Variants in NHS observed in about 807,000 individuals in gnomAD.
NHS encodes NHS actin remodeling regulator.
A neutral mutation model predicts 72.5 loss-of-function variants in NHS; 5 were observed. The observed-to-expected ratio is 0.07, with a 90% confidence interval of 0.04 to 0.14. The LOEUF (loss-of-function observed/expected upper bound fraction) is 0.14, where lower values mean the gene tolerates loss of function less well. Ranked by LOEUF, NHS falls within the 10% of genes least tolerant of loss-of-function variation. The probability of loss-of-function intolerance (pLI) is 1.00; values close to 1 mark genes in which losing one functional copy is unlikely to be tolerated. For missense variants in NHS, 1,072 were observed against 1,355.7 expected, an observed-to-expected ratio of 0.79 and a Z score of 3.29; for synonymous variants, 464 against 547.7, an observed-to-expected ratio of 0.85 and a Z score of 2.13.
chrX:17,437,764 G>C (rs987802207), intron 1 of NHS, among the ~76,000 whole-genome samples: 2 of 111,838 alleles, frequency 1.8e-5, no homozygotes, highest in African/African-American at 6.5e-5. Context: ...CACATCACAG[G>C]ACTGTCATGA....
In NHS at chrX:17,552,079, G is replaced by C. The variant is rs182597715; in HGVS notation, c.566-135663G>C. On this transcript the variant is annotated intron_variant, in intron 1 of 8. Transcript: ENST00000676302. ...TTACTAACTGGTCCAGGACCAATTA[G>C]GCAAGTAAGTAATGGAACTGAGTTT... 5.4e-3 allele frequency among the ~76,000 whole-genome samples: 604 copies of C among 111,808 alleles called. 5 individuals carry two copies. The highest frequency in any genetic ancestry group is 8.5e-3 in the Non-Finnish European group (450 of 53,185).
chrX:17,610,764 G>A (rs1282164257), intron 1 of NHS, among the ~76,000 whole-genome samples: 3 of 112,197 alleles, frequency 2.7e-5, no homozygotes, highest in African/African-American at 6.5e-5. Context: ...CTTTGTCCCC[G>A]TTTATTAAGG....
At chrX:17,646,430 ATTCTCCATACCTGGTCAT>A (rs774280994) in intron 1 of NHS, among the ~76,000 whole-genome samples, 266 of 111,646 alleles carry the variant, frequency 2.4e-3, no homozygotes, top group Middle Eastern at 0.014. Flanking sequence ...GGGGCCATTG[ATTCTCCATACCTGGTCAT>A]TTCTCCATAC....
rs1021193699 is a variant in NHS, at chrX:17,734,847, G to A, written c.*2383G>A. The A allele has an allele frequency of 1.8e-5, 2 of 112,491 alleles. No homozygotes were observed. The highest frequency in any genetic ancestry group is 1.9e-4 in the Admixed American group (2 of 10,624). 9.3% of individuals were successfully genotyped at this position (112,491 alleles called of 1,213,427 possible). On this transcript the variant is annotated 3_prime_UTR_variant, in exon 9 of 9. Transcript: ENST00000676302. Reference sequence around the variant, plus strand: ...GATCTTTCGTAATTTCATAAAAGCAGTTCGTTTGCAGTATGGCTTTTGTGT... The same window carrying A: ...GATCTTTCGTAATTTCATAAAAGCAATTCGTTTGCAGTATGGCTTTTGTGT...
At chrX:17,462,408 T>C (rs944338727) in intron 1 of NHS, among the ~76,000 whole-genome samples, 15 of 111,466 alleles carry the variant, frequency 1.3e-4, no homozygotes, top group African/African-American at 4.9e-4. Context: ...CTTCAGAGTC[T>C]GTGGGCTCTT....
rs745705350 is a variant in NHS, at chrX:17,460,438, AG to A, written c.565+84120del. On this transcript the variant is annotated intron_variant, in intron 1 of 8. Coordinates refer to ENST00000676302, the MANE Select transcript of NHS (RefSeq NM_001291867.2). ...TTGCTGCAGGCAAGAGAGTGTACACAGGGGAAACCGCCACTTTTAAAATCAT... is the reference window on the plus strand; with the variant it reads ...TTGCTGCAGGCAAGAGAGTGTACACAGGGAAACCGCCACTTTTAAAATCAT... 7.2e-5 allele frequency among the ~76,000 whole-genome samples: 8 copies of A among 111,546 alleles called. No homozygotes were observed. The East Asian group carries it at 2.0e-3, about 28-fold the overall frequency.
chrX:17,467,538 T>C (rs1056890790), intron 1 of NHS, among the ~76,000 whole-genome samples: 1 of 112,519 alleles, frequency 8.9e-6, no homozygotes, highest in African/African-American at 3.2e-5. Flanking sequence ...AGTTTACCAT[T>C]CCTTCAAATT....
At chrX:17,708,164 C>T (rs2066307151) in intron 3 of NHS, among the ~76,000 whole-genome samples, 1 of 111,968 alleles carries the variant, frequency 8.9e-6, no homozygotes, top group African/African-American at 3.2e-5. Context: ...AAAATACTAA[C>T]CTTGCTATGC....
At chrX:17,714,455 C>A (rs1486543514) in intron 3 of NHS, among the ~76,000 whole-genome samples, 3 of 111,649 alleles carry the variant, frequency 2.7e-5, no homozygotes, top group Non-Finnish European at 5.6e-5. Context: ...GATCTGCTTC[C>A]ATTATCTGTT....
At position 17,520,156 on chromosome X, in the gene NHS, T is replaced by C. The variant is rs138748642; in HGVS notation, c.565+143834T>C. On this transcript the variant is annotated intron_variant, in intron 1 of 8. Transcript: ENST00000676302. ...GACATTTAAAACTTGGCTGCACCCATTGAATCCACCCTAGGGAATAATTTT... is the reference window on the plus strand; with the variant it reads ...GACATTTAAAACTTGGCTGCACCCACTGAATCCACCCTAGGGAATAATTTT... Among the ~76,000 whole-genome samples the C allele has an allele frequency of 5.4e-4, 61 of 112,046 alleles. 1 individual carries two copies. Among genetic ancestry groups the C allele is most frequent in the African/African-American group, 1.8e-3 (56 of 30,839 alleles).
At chrX:17,675,121 A>G (rs1425361648) in intron 1 of NHS, among the ~76,000 whole-genome samples, 2 of 112,195 alleles carry the variant, frequency 1.8e-5, no homozygotes, top group African/African-American at 3.2e-5. Flanking sequence ...CTTAGCAATC[A>G]TTGCACTCAA....
chrX:17,647,006 A>T (rs1392412082), intron 1 of NHS, among the ~76,000 whole-genome samples: 1 of 112,129 alleles, frequency 8.9e-6, no homozygotes, highest in Non-Finnish European at 1.9e-5. Context: ...ACCAAATAAA[A>T]AAGTCATAGA....
At chrX:17,521,421 G>A (rs1193533359) in intron 1 of NHS, among the ~76,000 whole-genome samples, 1 of 106,934 alleles carries the variant, frequency 9.4e-6, no homozygotes, top group Non-Finnish European at 1.9e-5. Context: ...GAGTGCAGTG[G>A]CATGATCTTG....
chrX:17,421,092 T>C (rs1405538697), intron 1 of NHS, among the ~76,000 whole-genome samples: 3 of 110,678 alleles, frequency 2.7e-5, no homozygotes, highest in Non-Finnish European at 5.7e-5. Context: ...AGCAGGAAAC[T>C]AATGATTTCT....
chrX:17,667,143 G>A (rs2066017633), intron 1 of NHS, among the ~76,000 whole-genome samples: 1 of 112,702 alleles, frequency 8.9e-6, no homozygotes, highest in African/African-American at 3.2e-5. Flanking sequence ...TGCCAATAGA[G>A]CTCAGACTCT....
At chrX:17,410,802 G>T (rs753759804) in intron 1 of NHS, among the ~76,000 whole-genome samples, 1 of 110,978 alleles carries the variant, frequency 9.0e-6, no homozygotes, top group Admixed American at 9.6e-5. Flanking sequence ...CATCAAAAAA[G>T]GCAAAAATCC....
chrX:17,728,099 T>C lies in NHS; in HGVS notation c.3993T>C (p.Thr1331=). The change falls in exon 7 of 9, where the codon ACT becomes ACC. Residue 1331 remains threonine, a synonymous_variant. Coordinates refer to ENST00000676302, the MANE Select transcript of NHS (RefSeq NM_001291867.2). ...TCACATCTCAGTCAGACTCACCAAC[T>C]AGAGCAACAGATGTAAGCAATCAAT... ...DVITSQSDSP[T]RATDVSNQFK... is the part of the protein sequence containing the mutation. 1 of 1,211,614 alleles carries C rather than the reference T, an allele frequency of 8.3e-7. No homozygotes were observed. The highest frequency in any genetic ancestry group is 1.8e-5 in the South Asian group (1 of 56,986).
intron 1 of NHS, among the ~76,000 whole-genome samples, chrX:17,475,890 G>A (rs1405565706): frequency 9.0e-6 from 1 of 111,622 alleles, no homozygotes; most frequent in African/African-American, 3.3e-5. Context: ...ATTTCACGCT[G>A]CCTCTGAGAG....
chrX:17,422,935 G>C (rs187745683), intron 1 of NHS, among the ~76,000 whole-genome samples: 2 of 111,789 alleles, frequency 1.8e-5, no homozygotes, highest in African/African-American at 3.3e-5. Flanking sequence ...CTACTGACAG[G>C]GTAACTGGGT....
Sources: gnomAD v4.1 joint callset for allele counts (sites outside exome capture counted in the v4.1 genomes callset) on GRCh38, gnomAD v4.1.1 for gene constraint, MANE v1.5 for transcripts, NCBI Gene and HGNC (gene_info 2026-07-23, HGNC 2026-07-21) for gene names.